The following KAZN variants were observed in gnomAD, a reference collection of about 807,000 sequenced individuals.
The protein encoded by KAZN is kazrin.
Under a neutral mutation model 87.4 loss-of-function variants are expected in KAZN, and 40 were observed. The observed-to-expected ratio is 0.46, with a 90% confidence interval of 0.36 to 0.60. KAZN has a LOEUF of 0.60. Among genes scored for constraint, KAZN ranks in the 20% least tolerant of loss-of-function variants. The probability of loss-of-function intolerance (pLI) is 0.00; values close to 1 mark genes in which losing one functional copy is unlikely to be tolerated. For synonymous variants in KAZN, 466 were observed against 458.3 expected, an observed-to-expected ratio of 1.02 and a Z score of -0.22; for missense variants, 898 against 1,073.9, an observed-to-expected ratio of 0.84 and a Z score of 2.29.
intron 2 of KAZN, among the ~76,000 whole-genome samples, chr1:14,210,752 T>C (rs1165961423): frequency 2.1e-5 from 3 of 141,586 alleles, no homozygotes; most frequent in Non-Finnish European, 4.8e-5. Context: ...TTAACATAAA[T>C]AGCATACTTA....
intron 1 of KAZN, among the ~76,000 whole-genome samples, chr1:14,694,448 G>A (rs11806982): frequency 0.43 from 65,542 of 152,162 alleles, 14,543 homozygotes; most frequent in South Asian, 0.52. Flanking sequence ...TGTCTGTGTT[G>A]ATCTCCTCAA....
In KAZN at chr1:14,177,887, A is replaced by G. The variant is rs538182788; in HGVS notation, c.92-2548A>G. ...GCTTACAGTTTATTGAGATTCTTAT[A>G]GGTTTATAGTTTTTATCAAATATGG... On this transcript the variant is annotated intron_variant, in intron 1 of 16. Transcript: ENST00000636203. Among the ~76,000 whole-genome samples, 127 of 150,348 alleles carry G rather than the reference A, an allele frequency of 8.4e-4. No homozygotes were observed. In the South Asian group the frequency reaches 0.016, roughly 19 times the overall value.
chr1:14,117,371 A>C (rs1350352051), intron 1 of KAZN, among the ~76,000 whole-genome samples: 1 of 152,024 alleles, frequency 6.6e-6, no homozygotes, highest in African/African-American at 2.4e-5. Context: ...TAAAAAGGGG[A>C]ATTTCCCTGC....
chr1:14,133,534 AC>A (rs760462866), intron 1 of KAZN, among the ~76,000 whole-genome samples: 4 of 152,140 alleles, frequency 2.6e-5, no homozygotes, highest in Non-Finnish European at 5.9e-5. Flanking sequence ...ACAAATGCTG[AC>A]TTGGCTTGCC....
intron 2 of KAZN, among the ~76,000 whole-genome samples, chr1:15,001,519 C>A (rs926309231): frequency 6.6e-6 from 1 of 151,908 alleles, no homozygotes; most frequent in Non-Finnish European, 1.5e-5. Context: ...GCCTTAGTTT[C>A]CTCATCCTTA....
rs557596708 is a variant in KAZN at position 14,996,197 on chromosome 1, C to T, written c.418+35322C>T. Among the ~76,000 whole-genome samples the T allele has an allele frequency of 3.3e-4, 50 of 152,154 alleles. No individual in the cohort carries two copies. The highest frequency in any genetic ancestry group is 6.5e-4 in the Non-Finnish European group (44 of 68,032). ...TTGGCTCTTCATGCCCCGCCCACTC[C>T]ACCCCCAGTGCCTGGCATCTTGAAC... On this transcript the variant is annotated intron_variant, in intron 2 of 14. Transcript: ENST00000376030. This position sits in a 1 kb window ranked among gnomAD's most constrained non-coding sequence, Gnocchi z 5.9.
At position 14,094,104 on chromosome 1, in the gene KAZN, G is replaced by T. The variant is rs183368629; in HGVS notation, c.92-86331G>T. Among the ~76,000 whole-genome samples the T allele has an allele frequency of 1.5e-3, 224 of 152,264 alleles. 1 individual carries two copies. The highest frequency in any genetic ancestry group is 5.9e-3 in the Admixed American group (91 of 15,300). ...AAGGGGGTTTTGGTTTCTCTGACTT[G>T]CCTTGGGGAAGAGGGATTCTAGCTT... On this transcript the variant is annotated intron_variant, in intron 1 of 16. Coordinates refer to the KAZN transcript ENST00000636203.
At chr1:14,287,494 T>A (rs898542710) in intron 2 of KAZN, among the ~76,000 whole-genome samples, 1 of 152,186 alleles carries the variant, frequency 6.6e-6, no homozygotes, top group Non-Finnish European at 1.5e-5. Context: ...CTGTTATTGG[T>A]GTATAGGAAT....
intron 13 of KAZN, among the ~76,000 whole-genome samples, chr1:15,110,156 CAT>C (rs1641482425): frequency 7.2e-6 from 1 of 139,522 alleles, no homozygotes; most frequent in African/African-American, 2.7e-5. Flanking sequence ...TATGTGTGTG[CAT>C]ATGTGTTTGT....
intron 2 of KAZN, among the ~76,000 whole-genome samples, chr1:14,291,903 A>T (rs1338644562): frequency 6.6e-6 from 1 of 152,072 alleles, no homozygotes; most frequent in East Asian, 1.9e-4. Context: ...TTGGAGAAGG[A>T]TGTGTTGCTT....
chr1:14,674,158 T>C (rs775001178), intron 1 of KAZN, among the ~76,000 whole-genome samples: 1 of 152,208 alleles, frequency 6.6e-6, no homozygotes, highest in Admixed American at 6.5e-5. Context: ...TTATTCATAT[T>C]TCTAGTCCTT....
In KAZN at chr1:15,001,230, C is replaced by T. The variant is rs59358901; in HGVS notation, c.419-33519C>T. 1.4e-3 allele frequency among the ~76,000 whole-genome samples: 206 copies of T among 151,028 alleles called. 1 individual carries two copies. The highest frequency in any genetic ancestry group is 3.4e-3 in the Middle Eastern group (1 of 294). On this transcript the variant is annotated intron_variant, in intron 2 of 14. Transcript: ENST00000376030. ...TAATCCCAGCACTTTGGGAGGCTGACGCGGGTGGATCACTTGAAGTCAGGA... is the reference window on the plus strand; with the variant it reads ...TAATCCCAGCACTTTGGGAGGCTGATGCGGGTGGATCACTTGAAGTCAGGA...
chr1:14,220,770 A>AT (rs1557571244), intron 2 of KAZN, among the ~76,000 whole-genome samples: 2 of 152,256 alleles, frequency 1.3e-5, no homozygotes, highest in African/African-American at 4.8e-5. Context: ...GCTCTCAAGC[A>AT]TAGATAGTCC....
At position 14,590,720 on chromosome 1, in the gene KAZN, C is replaced by T. The variant is rs151228099; in HGVS notation, c.250-8263C>T. Among the ~76,000 whole-genome samples the T allele has an allele frequency of 8.0e-3, 1,216 of 152,250 alleles. 12 individuals carry two copies. Among genetic ancestry groups the T allele is most frequent in the Middle Eastern group, 0.01 (3 of 294 alleles). On this transcript the variant is annotated intron_variant, in intron 2 of 16. Transcript: ENST00000636203. The stretch of plus-strand genomic sequence containing the variant: ...TCACCATCACCATCATCTCCATCAC[C>T]GATAACATCTATTAATTTCTTTCTA...
At chr1:14,568,440 C>G (rs904300741) in intron 2 of KAZN, among the ~76,000 whole-genome samples, 39 of 152,192 alleles carry the variant, frequency 2.6e-4, no homozygotes, top group African/African-American at 9.4e-4. Flanking sequence ...TCCACATGGC[C>G]GGAGAGGCTT....
intron 1 of KAZN, among the ~76,000 whole-genome samples, chr1:14,908,012 A>G (rs1472822567): frequency 1.3e-5 from 2 of 152,244 alleles, no homozygotes; most frequent in Non-Finnish European, 2.9e-5. Flanking sequence ...CTGTGCCAGC[A>G]TCATGCCGGG....
intron 2 of KAZN, among the ~76,000 whole-genome samples, chr1:15,008,840 C>A (rs1328260608): frequency 1.3e-5 from 2 of 152,200 alleles, no homozygotes; most frequent in East Asian, 3.9e-4. Context: ...AGGTCCCATT[C>A]CCCTGCCAGC....
At chr1:14,533,120 A>G (rs774925719) in intron 2 of KAZN, among the ~76,000 whole-genome samples, 37 of 152,210 alleles carry the variant, frequency 2.4e-4, no homozygotes, top group African/African-American at 7.7e-4. Flanking sequence ...GAATCAAGTT[A>G]TAACTGTGGC....
intron 2 of KAZN, among the ~76,000 whole-genome samples, chr1:14,275,329 C>A (rs1294073986): frequency 6.6e-6 from 1 of 152,136 alleles, no homozygotes; most frequent in Admixed American, 6.6e-5. Context: ...TCTTTGGCCC[C>A]ATTCCCAGAC....
Sources: allele counts gnomAD v4.1 joint callset (sites outside exome capture counted in the v4.1 genomes callset), GRCh38; gene constraint gnomAD v4.1.1; non-coding constraint Gnocchi (gnomAD v3.1); transcripts MANE v1.5; gene names NCBI Gene and HGNC (gene_info 2026-07-23, HGNC 2026-07-21).